The following BCAR1 variants were observed in gnomAD, a reference collection of about 807,000 sequenced individuals.
BCAR1 encodes BCAR1 scaffold protein, Cas family member.
A neutral mutation model predicts 67.6 loss-of-function variants in BCAR1; 30 were observed. The ratio of observed to expected loss-of-function variants is 0.44; its 90% confidence interval spans 0.33 to 0.60. BCAR1 has a LOEUF of 0.60. Ranked by LOEUF, BCAR1 falls within the 20% of genes least tolerant of loss-of-function variation. The pLI is 0.02. For missense variants in BCAR1, 1,313 were observed against 1,222.3 expected (o/e 1.07, Z -1.11); for synonymous variants, 626 against 556.7 (o/e 1.12, Z -1.75).
intron 1 of BCAR1, chr16:75,248,177 T>C: frequency 6.3e-7 from 1 of 1,577,330 alleles, no homozygotes; most frequent in Non-Finnish European, 8.6e-7. Context: ...GGCTCCACTT[T>C]ATCTCCACCG....
In BCAR1 at chr16:75,229,901, C is replaced by T. The variant is rs1458837179; in HGVS notation, c.2223G>A (p.Arg741=). ...GRTGGLGPSD[R]QLLLFYLEQC... ...GCTCCAGGTAGAAGAGCAGCAGCTG[C>T]CGGTCCGAGGGCCCCAGGCCGCCTG... is the stretch of plus-strand genomic sequence containing the variant. Residue 741 remains arginine (R), a synonymous_variant, in exon 7 of 7, where the codon CGG becomes CGA. Coordinates refer to ENST00000162330, the MANE Select transcript of BCAR1 (RefSeq NM_014567.5). The T allele has an allele frequency of 6.2e-7, 1 of 1,609,834 alleles. No individual in the cohort carries two copies.
At chr16:75,260,299 T>A (rs1485780160) in intron 1 of BCAR1, among the ~76,000 whole-genome samples, 2 of 152,156 alleles carry the variant, frequency 1.3e-5, no homozygotes, top group East Asian at 3.9e-4. Context: ...GAGACATTTG[T>A]TATTTTGATT....
At chr16:75,252,878 A>G (rs1292801994), upstream of BCAR1, among the ~76,000 whole-genome samples, 1 of 152,190 alleles carries the variant, frequency 6.6e-6, no homozygotes, top group Non-Finnish European at 1.5e-5. Context: ...GGGCTAGGAC[A>G]GCCCATGATT....
At chr16:75,258,203 T>C (rs937870287) in intron 1 of BCAR1, among the ~76,000 whole-genome samples, 30 of 152,294 alleles carry the variant, frequency 2.0e-4, no homozygotes, top group Admixed American at 1.2e-3. Context: ...AAGCCCTCCC[T>C]GCTCTCCCTA....
chr16:75,234,255 G>T (rs2077017937), intron 5 of BCAR1, among the ~76,000 whole-genome samples: 1 of 151,874 alleles, frequency 6.6e-6, no homozygotes, highest in Non-Finnish European at 1.5e-5. Flanking sequence ...GCACATGCGG[G>T]GACACACAGA....
intron 1 of BCAR1, chr16:75,264,108 A>C: frequency 7.9e-7 from 1 of 1,264,568 alleles, no homozygotes; most frequent in Non-Finnish European, 9.9e-7. Context: ...GACAGTGCCT[A>C]TCTGTCCAAG....
In BCAR1 at chr16:75,233,780, G is replaced by A. The variant is rs1412118753; in HGVS notation, c.2100+66C>T. 13 of 1,506,224 alleles carry A rather than the reference G, an allele frequency of 8.6e-6. 1 individual carries two copies. Among genetic ancestry groups the A allele is most frequent in the African/African-American group, 6.9e-5 (5 of 72,196 alleles). The allele number at this position is 1,506,224 out of a possible 1,614,324, so 93.3% of individuals were successfully genotyped here. ...TGGGGACCCGGGGTCGGCCCTGCAG[G>A]GCAAGAGCTGGGGGCTCAGGGGGTC... On this transcript the variant is annotated intron_variant, in intron 6 of 6. Coordinates refer to ENST00000162330, the MANE Select transcript of BCAR1 (RefSeq NM_014567.5).
At chr16:75,247,987 C>A (rs375537763) in intron 1 of BCAR1, 11 of 948,410 alleles carry the variant, frequency 1.2e-5, no homozygotes, top group Non-Finnish European at 1.9e-5. Context: ...CTGCGGGAGG[C>A]AGAGCTCTTT....
intron 1 of BCAR1, chr16:75,263,587 C>A: frequency 1.0e-6 from 1 of 985,456 alleles, no homozygotes; most frequent in Non-Finnish European, 1.2e-6. Context: ...TCTCCCCTCC[C>A]CCAACACTCA....
At chr16:75,234,658 G>T (rs1293581155) in intron 5 of BCAR1, among the ~76,000 whole-genome samples, 1 of 152,236 alleles carries the variant, frequency 6.6e-6, no homozygotes. Context: ...ACACAGAACA[G>T]CAGAGTCACC....
chr16:75,263,585 C>G (rs1487050972), intron 1 of BCAR1: 21 of 985,490 alleles, frequency 2.1e-5, no homozygotes, highest in Non-Finnish European at 2.5e-5. Context: ...CATCTCCCCT[C>G]CCCCAACACT....
At chr16:75,234,814 G>A (rs1424141421) in intron 5 of BCAR1, 75 bp downstream of exon 5, 10 of 1,503,194 alleles carry the variant, frequency 6.7e-6, no homozygotes, top group Non-Finnish European at 8.9e-6. Context: ...GGCCCCAGCT[G>A]AGAACAAATC....
intron 1 of BCAR1, among the ~76,000 whole-genome samples, chr16:75,262,400 G>A (rs931713234): frequency 6.6e-6 from 1 of 152,234 alleles, no homozygotes; most frequent in Non-Finnish European, 1.5e-5. Context: ...AATGGCAGAC[G>A]GCGCCGGGAA....
At chr16:75,267,870 C>G in intron 1 of BCAR1, 2 of 1,563,426 alleles carry the variant, frequency 1.3e-6, no homozygotes, top group Non-Finnish European at 1.7e-6. Context: ...AGTAACTCAG[C>G]CCTTAGCAGG....
In BCAR1 at chr16:75,234,929, T is replaced by A. The variant is rs1468334937; in HGVS notation, c.1970A>T (p.Glu657Val). The change falls in exon 5 of 7, where the codon GAG becomes GTG. Residue 657 changes from glutamate to valine, a missense_variant. Coordinates refer to ENST00000162330, the MANE Select transcript of BCAR1 (RefSeq NM_014567.5). ...GTCATAGTCCTCCATCCAGCCCCCC[T>A]CGCTGTTCTCGTACTGCCCATCTGG... is the stretch of plus-strand genomic sequence containing the variant. ...DSPDGQYENS[E>V]GGWMEDYDYV... 6.4e-7 allele frequency: 1 copy of A among 1,559,340 alleles called. No individual in the cohort carries two copies. The highest frequency in any genetic ancestry group is 8.7e-7 in the Non-Finnish European group (1 of 1,147,472).
chr16:75,263,383 G>C (rs2077945771), intron 1 of BCAR1: 1 of 985,314 alleles, frequency 1.0e-6, no homozygotes, highest in African/African-American at 1.7e-5. Flanking sequence ...GTCAGGCCCA[G>C]AGCGCTGGGC....
At chr16:75,233,371 T>A (rs1428689305) in intron 6 of BCAR1, among the ~76,000 whole-genome samples, 3 of 148,120 alleles carry the variant, frequency 2.0e-5, no homozygotes, top group Non-Finnish European at 4.4e-5. Context: ...AGATTCTGTG[T>A]CAAAAAAAAA....
chr16:75,254,128 G>A (rs1367867637), upstream of BCAR1, among the ~76,000 whole-genome samples: 3 of 152,068 alleles, frequency 2.0e-5, no homozygotes, highest in Non-Finnish European at 2.9e-5. Flanking sequence ...TGAAGAGACC[G>A]AGACCCAGTT....
chr16:75,229,536 A>T lies in BCAR1; in HGVS notation c.2588T>A (p.Val863Asp). 2 of 1,592,940 alleles carry T rather than the reference A, an allele frequency of 1.3e-6. No homozygotes were observed. The highest frequency in any genetic ancestry group is 1.7e-6 in the Non-Finnish European group (2 of 1,169,914). ...TCAGGCGGCTGCCAGCTGGCCTAGG[A>T]CGCGGCGGAACTGCTGGGTGCTGTG... is the stretch of plus-strand genomic sequence containing the variant. ...LGHSTQQFRR[V>D]LGQLAAA The change falls in exon 7 of 7, where the codon GTC becomes GAC. Residue 863 changes from valine (V) to aspartate (D), a missense_variant. By Grantham distance (152) the Val-to-Asp change is radical (BLOSUM62 -3). This residue lies in a region of BCAR1 where 1,272 missense variants were observed against 1,137.5 expected (regional missense o/e 1.12). Transcript: ENST00000162330.
Sources: gnomAD v4.1 joint callset for allele counts (sites outside exome capture counted in the v4.1 genomes callset) on GRCh38, gnomAD v4.1.1 for gene constraint, gnomAD v4.1.1 regional missense constraint, MANE v1.5 for transcripts, NCBI Gene and HGNC (gene_info 2026-07-23, HGNC 2026-07-21) for gene names.